Variants in HAO1 observed in about 807,000 individuals in gnomAD.
HAO1 encodes the protein 2-Hydroxyacid oxidase 1.
A neutral mutation model predicts 39.7 loss-of-function variants in HAO1; 34 were observed. That is an observed-to-expected ratio of 0.86 (90% CI 0.65 to 1.14). The LOEUF is 1.14. HAO1 is among the 50% of genes most tolerant of loss of function. The pLI is 0.00. For missense variants in HAO1, 479 were observed against 464.5 expected (o/e 1.03, Z -0.29); for synonymous variants, 172 against 173.2 (o/e 0.99, Z 0.05).
chr20:7,915,951 T>C (rs1387406946), intron 2 of HAO1, among the ~76,000 whole-genome samples: 1 of 152,186 alleles, frequency 6.6e-6, no homozygotes, highest in Non-Finnish European at 1.5e-5. Flanking sequence ...GTATTAAATA[T>C]ATAGTTTACC....
intron 2 of HAO1, among the ~76,000 whole-genome samples, chr20:7,930,431 C>T (rs1295034854): frequency 6.6e-6 from 1 of 152,094 alleles, no homozygotes; most frequent in Non-Finnish European, 1.5e-5. Flanking sequence ...TATTCTTACA[C>T]TGTTACTTAA....
intron 2 of HAO1, among the ~76,000 whole-genome samples, chr20:7,918,101 T>A (rs892682885): frequency 1.3e-5 from 2 of 152,198 alleles, no homozygotes; most frequent in Non-Finnish European, 2.9e-5. Context: ...CTCCTGCATG[T>A]AGGAGGAATA....
At position 7,940,332 on chromosome 20, in the gene HAO1, C is replaced by T; in HGVS notation, c.91G>A (p.Ala31Thr). Residue 31 changes from alanine (A) to threonine (T), a missense_variant, in exon 1 of 8, where the codon GCA becomes ACA. Transcript: ENST00000378789. Reference sequence around the variant, plus strand: ...TCAGCCAAAGTTTCTTCATCATTTGCCCCAGACCTGTAATAGTCATATATA... The same window carrying T: ...TCAGCCAAAGTTTCTTCATCATTTGTCCCAGACCTGTAATAGTCATATATA... ...KSIYDYYRSG[A>T]NDEETLADNI... 1 of 1,610,586 alleles carries T rather than the reference C, an allele frequency of 6.2e-7. No homozygotes were observed. Among genetic ancestry groups the T allele is most frequent in the Non-Finnish European group, 8.5e-7 (1 of 1,178,302 alleles).
intron 3 of HAO1, among the ~76,000 whole-genome samples, chr20:7,912,510 G>A (rs1392805600): frequency 1.3e-5 from 2 of 151,780 alleles, no homozygotes; most frequent in Non-Finnish European, 2.9e-5. Context: ...TTTTCAAATA[G>A]CCAAGGGGAA....
intron 2 of HAO1, among the ~76,000 whole-genome samples, chr20:7,929,603 C>T (rs1393386059): frequency 2.6e-5 from 4 of 152,158 alleles, no homozygotes; most frequent in African/African-American, 7.2e-5. Context: ...CGGTGGCTCA[C>T]GCATGTAATC....
chr20:7,919,386 AAC>A (rs1333236905), intron 2 of HAO1, among the ~76,000 whole-genome samples: 3 of 152,024 alleles, frequency 2.0e-5, no homozygotes, highest in African/African-American at 7.3e-5. Flanking sequence ...TCTTTAATTA[AAC>A]AGTGATACAC....
In HAO1 at chr20:7,895,175, C is replaced by T. The variant is rs1413181803; in HGVS notation, c.771G>A (p.Val257=). ...AVKHGLNGIL[V]SNHGARQLDG... ...CGAGTTGTCGAGCCCCATGATTCGA[C>T]ACCAAGATCCCATTCAAGCCATGTT... The change falls in exon 5 of 8, where the codon GTG becomes GTA. Residue 257 remains valine, a synonymous_variant. Transcript: ENST00000378789. The T allele has an allele frequency of 6.2e-7, 1 of 1,612,860 alleles. No homozygotes were observed. The highest frequency in any genetic ancestry group is 1.3e-5 in the African/African-American group (1 of 74,852).
At chr20:7,894,952 AT>A (rs1449022858) in intron 5 of HAO1, among the ~76,000 whole-genome samples, 180 bp downstream of exon 5, 1 of 152,190 alleles carries the variant, frequency 6.6e-6, no homozygotes, top group African/African-American at 2.4e-5. Flanking sequence ...ACATAAATAA[AT>A]TTTTAACTTG....
At chr20:7,919,996 A>G (rs1199847171) in intron 2 of HAO1, among the ~76,000 whole-genome samples, 2 of 152,172 alleles carry the variant, frequency 1.3e-5, no homozygotes, top group African/African-American at 4.8e-5. Context: ...GCTAATGACC[A>G]TATTCATCAC....
chr20:7,932,089 T>C (rs919625289), intron 2 of HAO1, among the ~76,000 whole-genome samples: 3 of 152,132 alleles, frequency 2.0e-5, no homozygotes, highest in Admixed American at 6.5e-5. Context: ...GGGTGAGTTC[T>C]CATGAGATCA....
chr20:7,893,415 AG>A (rs2050183001), intron 5 of HAO1, among the ~76,000 whole-genome samples: 1 of 152,218 alleles, frequency 6.6e-6, no homozygotes, highest in South Asian at 2.1e-4. Context: ...CTGCCTTTGC[AG>A]GACTAACAAA....
rs1555774034 is a variant in HAO1 at position 7,909,381 on chromosome 20, A to ATATATATATATATATG, written c.546-3053_546-3052insCATATATATATATATA. ...ATGACATATATATATATATATATGTATATATATATATATATATATATATGC... is the reference window on the plus strand; with the variant it reads ...ATGACATATATATATATATATATGTATATATATATATATATGTATATATATATATATATATATATGC... On this transcript the variant is annotated intron_variant, in intron 3 of 7. Coordinates refer to ENST00000378789, the MANE Select transcript of HAO1 (RefSeq NM_017545.3). Among the ~76,000 whole-genome samples the ATATATATATATATATG allele has an allele frequency of 7.9e-3, 577 of 72,590 alleles. 3 individuals carry two copies. Among genetic ancestry groups the ATATATATATATATATG allele is most frequent in the South Asian group, 0.014 (30 of 2,178 alleles). The allele number at this position is 72,590 out of a possible 152,430, so 47.6% of individuals were successfully genotyped here. A position where few individuals can be genotyped will look rare whatever the true frequency, so the allele number is the denominator to read the frequency against.
In HAO1 at chr20:7,934,480, C is replaced by T. The variant is rs2050400469; in HGVS notation, c.289+4G>A. On this transcript the variant is annotated splice_donor_region_variant and intron_variant, in intron 2 of 7. Transcript: ENST00000378789. ...TGTCCCTGTGGTGACAATCTTCCTC[C>T]TACCTCTCACAGTGGCAAGCTCGCC... The T allele has an allele frequency of 9.3e-6, 15 of 1,606,832 alleles. No homozygotes were observed. Among genetic ancestry groups the T allele is most frequent in the African/African-American group, 1.3e-5 (1 of 74,436 alleles).
At chr20:7,908,878 G>A (rs1401375727) in intron 3 of HAO1, among the ~76,000 whole-genome samples, 2 of 152,036 alleles carry the variant, frequency 1.3e-5, no homozygotes, top group African/African-American at 2.4e-5. Flanking sequence ...CTTTACCATG[G>A]AGACCTATTT....
At position 7,883,528 on chromosome 20, in the gene HAO1, G is replaced by T. The variant is rs1180341465; in HGVS notation, c.*65C>A. The T allele has an allele frequency of 2.0e-5, 24 of 1,178,502 alleles. No homozygotes were observed. The highest frequency in any genetic ancestry group is 2.8e-5 in the Non-Finnish European group (22 of 782,646). The allele number at this position is 1,178,502 out of a possible 1,614,324, so 73.0% of individuals were successfully genotyped here. ...ACAGACTGTGGTCACCCTCTGCACA[G>T]TGTCTCTTTGTCAAGTAATACATGC... On this transcript the variant is annotated 3_prime_UTR_variant, in exon 8 of 8. Coordinates refer to ENST00000378789, the MANE Select transcript of HAO1 (RefSeq NM_017545.3).
intron 4 of HAO1, among the ~76,000 whole-genome samples, chr20:7,896,320 C>T (rs1460098525): frequency 1.1e-4 from 17 of 152,106 alleles, no homozygotes; most frequent in Admixed American, 1.1e-3. Context: ...GCAAAACCAA[C>T]TGGTTCAAGA....
intron 3 of HAO1, among the ~76,000 whole-genome samples, chr20:7,912,771 T>C (rs1177793556): frequency 2.0e-5 from 3 of 152,204 alleles, no homozygotes; most frequent in African/African-American, 4.8e-5. Flanking sequence ...AACAGTTTTA[T>C]TGGCCAGTTT....
At chr20:7,908,942 G>T (rs1339131615) in intron 3 of HAO1, among the ~76,000 whole-genome samples, 1 of 151,932 alleles carries the variant, frequency 6.6e-6, no homozygotes, top group Admixed American at 6.6e-5. Context: ...AAATAATATT[G>T]TTAATAAGAA....
intron 3 of HAO1, among the ~76,000 whole-genome samples, chr20:7,912,968 G>A (rs1318520656): frequency 6.6e-6 from 1 of 152,140 alleles, no homozygotes; most frequent in East Asian, 1.9e-4. Flanking sequence ...GTAAAACTAT[G>A]TGAAACTTAT....
Sources: allele counts gnomAD v4.1 joint callset (sites outside exome capture counted in the v4.1 genomes callset), GRCh38; gene constraint gnomAD v4.1.1; transcripts MANE v1.5; gene names NCBI Gene and HGNC (gene_info 2026-07-23, HGNC 2026-07-21).